GALNT17: variants seen among roughly 807,000 people sequenced by gnomAD.
The protein encoded by GALNT17 is polypeptide N-acetylgalactosaminyltransferase 17, also known as UDP-GalNAc:polypeptide N-acetylgalactosaminyltransferase-like 3.
A neutral mutation model predicts 63.7 loss-of-function variants in GALNT17; 29 were observed. The ratio of observed to expected loss-of-function variants is 0.46; its 90% CI spans 0.34 to 0.62. The LOEUF is 0.62. GALNT17 is among the 20% of genes least tolerant of loss of function. GALNT17 has a pLI of 0.01. For synonymous variants in GALNT17, 305 were observed against 318.3 expected (o/e 0.96, Z 0.45); for missense variants, 603 against 799.6 (o/e 0.75, Z 2.97).
chr7:71,280,751 A>G (rs542849503), intron 1 of GALNT17, among the ~76,000 whole-genome samples: 1 of 152,258 alleles, frequency 6.6e-6, no homozygotes, highest in East Asian at 1.9e-4. Flanking sequence ...TTTCCTTGAC[A>G]GTTCCCTTAG....
chr7:71,484,552 A>G (rs1050067506), intron 5 of GALNT17, among the ~76,000 whole-genome samples: 3 of 152,186 alleles, frequency 2.0e-5, no homozygotes, highest in African/African-American at 7.2e-5. Context: ...GCTGATGAGT[A>G]GCATCACCAG....
chr7:71,187,179 G>A (rs1788865564), intron 1 of GALNT17, among the ~76,000 whole-genome samples: 1 of 152,114 alleles, frequency 6.6e-6, no homozygotes, highest in African/African-American at 2.4e-5. Flanking sequence ...GAGTGCCGTG[G>A]CAGGATCATA....
chr7:71,513,510 C>T (rs957224918), intron 5 of GALNT17, among the ~76,000 whole-genome samples: 6 of 151,962 alleles, frequency 3.9e-5, no homozygotes, highest in Admixed American at 6.6e-5. Flanking sequence ...CTCAGCCTCC[C>T]GAGTAGCTGT....
Position 71,665,531 on chromosome 7 carries a change from G to T in GALNT17, c.1201G>T (p.Val401Phe). The change falls in exon 7 of 11, where the codon GTT (valine) becomes TTT (phenylalanine). Residue 401 changes from valine to phenylalanine, a missense_variant. Transcript: ENST00000333538. The stretch of plus-strand genomic sequence containing the variant: ...CTACACCAAGAGGAATGCTCTTCGC[G>T]TTGCTGAGGTCTGGATGGACGATTA... ...GFYTKRNALR[V>F]AEVWMDDYKS... 6.2e-7 allele frequency: 1 copy of T among 1,614,032 alleles called. No individual in the cohort carries two copies. The highest frequency in any genetic ancestry group is 2.2e-5 in the East Asian group (1 of 44,858).
Position 71,571,334 on chromosome 7 carries a change from G to T in GALNT17, c.1012G>T (p.Gly338Cys), listed in dbSNP as rs761569221. 2 of 1,614,072 alleles carry T rather than the reference G, an allele frequency of 1.2e-6. No homozygotes were observed. The highest frequency in any genetic ancestry group is 1.7e-6 in the Non-Finnish European group (2 of 1,179,972). ...GTTCGTGGTCAACAGGAAGTTCTTC[G>T]GTGAAATTGGTCTTCTGGATCCTGG... ...CSFVVNRKFF[G>C]EIGLLDPGMD... The change falls in exon 6 of 11, where the codon GGT becomes TGT. Residue 338 changes from glycine (G) to cysteine (C), a missense_variant. Transcript: ENST00000333538.
chr7:71,426,600 A>G (rs768470600), intron 5 of GALNT17, among the ~76,000 whole-genome samples: 4 of 152,182 alleles, frequency 2.6e-5, no homozygotes, highest in Non-Finnish European at 5.9e-5. Flanking sequence ...TCATGGCAGA[A>G]GGTGAAGTGG....
At chr7:71,147,588 C>A (rs1244705765) in intron 1 of GALNT17, among the ~76,000 whole-genome samples, 1 of 152,120 alleles carries the variant, frequency 6.6e-6, no homozygotes, top group African/African-American at 2.4e-5. Flanking sequence ...TATTAACCAT[C>A]ACATTCATCC....
chr7:71,634,267 T>TG (rs1474674290), intron 6 of GALNT17, among the ~76,000 whole-genome samples: 1 of 152,142 alleles, frequency 6.6e-6, no homozygotes, highest in African/African-American at 2.4e-5. Flanking sequence ...TTTGCACTTT[T>TG]GGGGGGTCCG....
chr7:71,704,746 G>C (rs2191744), intron 9 of GALNT17, among the ~76,000 whole-genome samples: 98,264 of 151,916 alleles, frequency 0.65, 32,245 homozygotes, highest in East Asian at 0.92. Context: ...TTTGACAAGA[G>C]TGACAAGACA....
At chr7:71,411,777 G>A (rs149429370) in intron 3 of GALNT17, among the ~76,000 whole-genome samples, 1 of 152,256 alleles carries the variant, frequency 6.6e-6, no homozygotes, top group African/African-American at 2.4e-5. Flanking sequence ...TTGATCAACG[G>A]ACCATTCTCA....
At chr7:71,326,053 T>A (rs1364613319) in intron 1 of GALNT17, among the ~76,000 whole-genome samples, 1 of 152,212 alleles carries the variant, frequency 6.6e-6, no homozygotes, top group African/African-American at 2.4e-5. Flanking sequence ...TTTGTTTTTT[T>A]AAAACAATTC....
At chr7:71,488,354 T>C (rs1288334695) in intron 5 of GALNT17, among the ~76,000 whole-genome samples, 3 of 151,980 alleles carry the variant, frequency 2.0e-5, no homozygotes, top group Admixed American at 2.0e-4. Flanking sequence ...GAGTACAGCG[T>C]AGTCCTTCCA....
chr7:71,632,668 C>G (rs1357778384), intron 6 of GALNT17, among the ~76,000 whole-genome samples: 2 of 152,148 alleles, frequency 1.3e-5, no homozygotes, highest in Admixed American at 1.3e-4. Context: ...GTGAGAAGGG[C>G]TGGTGGAAAC....
chr7:71,541,359 A>G (rs1342963296), intron 5 of GALNT17, among the ~76,000 whole-genome samples: 1 of 151,840 alleles, frequency 6.6e-6, no homozygotes, highest in Non-Finnish European at 1.5e-5. Flanking sequence ...TCAAGATCAG[A>G]CTGGCCAACA....
chr7:71,619,228 T>C (rs1790258405), intron 6 of GALNT17, among the ~76,000 whole-genome samples: 1 of 152,234 alleles, frequency 6.6e-6, no homozygotes, highest in Non-Finnish European at 1.5e-5. Flanking sequence ...AGTAGTGTGA[T>C]ACCTCCAGTT....
At chr7:71,520,104 C>A in intron 5 of GALNT17, among the ~76,000 whole-genome samples, 1 of 152,150 alleles carries the variant, frequency 6.6e-6, no homozygotes, top group African/African-American at 2.4e-5. Flanking sequence ...GACCTCCATA[C>A]AGATATGTAA....
intron 5 of GALNT17, among the ~76,000 whole-genome samples, chr7:71,510,939 G>C (rs140319824): frequency 6.6e-6 from 1 of 152,064 alleles, no homozygotes; most frequent in Non-Finnish European, 1.5e-5. Context: ...TTGGGAGGCC[G>C]AGGCAGAAGG....
chr7:71,226,733 G>A (rs1290158576), intron 1 of GALNT17, among the ~76,000 whole-genome samples: 2 of 152,062 alleles, frequency 1.3e-5, no homozygotes, highest in Non-Finnish European at 2.9e-5. Context: ...ACCCTCCTCG[G>A]CCTCCCAAAG....
At chr7:71,160,456 G>T (rs938843937) in intron 1 of GALNT17, among the ~76,000 whole-genome samples, 1 of 152,220 alleles carries the variant, frequency 6.6e-6, no homozygotes, top group East Asian at 1.9e-4. Context: ...AAACAATGGT[G>T]TGATGAACAT....
Sources: allele counts gnomAD v4.1 joint callset (sites outside exome capture counted in the v4.1 genomes callset), GRCh38; gene constraint gnomAD v4.1.1; transcripts MANE v1.5; gene names NCBI Gene and HGNC (gene_info 2026-07-23, HGNC 2026-07-21).